Variants in DNAH9 observed in about 807,000 individuals in gnomAD.
The protein encoded by DNAH9 is DNAH9 variant protein.
A neutral mutation model predicts 471.6 loss-of-function variants in DNAH9; 345 were observed. That is an observed-to-expected ratio of 0.73 (90% CI 0.67 to 0.80). The LOEUF (loss-of-function observed/expected upper bound fraction) is 0.80. DNAH9 is among the 30% of genes least tolerant of loss of function. The pLI is 0.00. For synonymous variants in DNAH9, 2,093 were observed against 2,123.6 expected (o/e 0.99, Z 0.40); for missense variants, 5,407 against 5,609.2 (o/e 0.96, Z 1.15).
chr17:11,664,258 G>A (rs1000005952), intron 14 of DNAH9, among the ~76,000 whole-genome samples: 3 of 151,870 alleles, frequency 2.0e-5, no homozygotes, highest in Admixed American at 6.6e-5. Context: ...AAGAGAAGGC[G>A]GGGAGGAAGG....
At chr17:11,854,490 G>C in intron 50 of DNAH9, 62 bp downstream of exon 50, 1 of 1,517,454 alleles carries the variant, frequency 6.6e-7, no homozygotes, top group East Asian at 2.3e-5. Context: ...ACGCTCTTCA[G>C]ACACCATCTA....
intron 62 of DNAH9, chr17:11,925,101 C>G: frequency 2.3e-6 from 1 of 433,290 alleles, no homozygotes; most frequent in East Asian, 7.1e-5. Context: ...TCTATTAGAG[C>G]TCCATTGCTA....
intron 26 of DNAH9, among the ~76,000 whole-genome samples, chr17:11,714,029 A>G (rs2074917774): frequency 6.6e-6 from 1 of 152,236 alleles, no homozygotes; most frequent in Non-Finnish European, 1.5e-5. Flanking sequence ...GAAGAATCTC[A>G]TAACCAGTTG....
intron 67 of DNAH9, among the ~76,000 whole-genome samples, chr17:11,961,533 A>G (rs114578675): frequency 0.011 from 1,617 of 152,288 alleles, 31 homozygotes; most frequent in African/African-American, 0.037. Flanking sequence ...CTTTAGGCTA[A>G]GGTCATGTGG....
intron 1 of DNAH9, among the ~76,000 whole-genome samples, chr17:11,606,361 G>A (rs1466666897): frequency 6.6e-6 from 1 of 151,426 alleles, no homozygotes; most frequent in Non-Finnish European, 1.5e-5. Flanking sequence ...TGTCTTTCTG[G>A]TATTCTCCTT....
intron 41 of DNAH9, among the ~76,000 whole-genome samples, chr17:11,785,050 T>C (rs1256718807): frequency 6.6e-6 from 1 of 152,136 alleles, no homozygotes; most frequent in East Asian, 1.9e-4. Flanking sequence ...CCCAGGTTCA[T>C]TTCTAGACTA....
chr17:11,731,392 C>T (rs2075266305), intron 28 of DNAH9, among the ~76,000 whole-genome samples: 1 of 64,300 alleles, frequency 1.6e-5, no homozygotes, highest in African/African-American at 3.7e-5. Flanking sequence ...TCTCACAGGT[C>T]TTCTCTTTTT....
At position 11,739,049 on chromosome 17, in the gene DNAH9, T is replaced by C. The variant is rs181417738; in HGVS notation, c.5972+12T>C. On this transcript the variant is annotated intron_variant, in intron 29 of 68. Transcript: ENST00000262442. ...AAGTCTCTCTTCAGGTGAGTGTCAG[T>C]TCTGCCCCATGCAAAAGCCCCAAAA... The C allele has an allele frequency of 8.9e-6, 14 of 1,568,390 alleles. No individual in the cohort carries two copies. In the East Asian group the frequency reaches 3.2e-4, roughly 36 times the overall value.
chr17:11,637,530 C>T (rs1303964963), intron 9 of DNAH9, among the ~76,000 whole-genome samples: 6 of 151,902 alleles, frequency 3.9e-5, no homozygotes, highest in Admixed American at 6.6e-5. Flanking sequence ...TTCAGGAGTT[C>T]GAGGCTGCAG....
chr17:11,791,468 T>C (rs1173333560), intron 41 of DNAH9, among the ~76,000 whole-genome samples: 4 of 152,202 alleles, frequency 2.6e-5, no homozygotes, highest in East Asian at 3.9e-4. Flanking sequence ...TCCAGCACTT[T>C]AGGAGACCAA....
chr17:11,887,351 T>C (rs889599526), intron 57 of DNAH9, among the ~76,000 whole-genome samples: 1 of 152,218 alleles, frequency 6.6e-6, no homozygotes, highest in Admixed American at 6.5e-5. Flanking sequence ...CTTGTATTGA[T>C]TAAAGTCCAA....
At chr17:11,655,644 A>G (rs901893477) in intron 14 of DNAH9, among the ~76,000 whole-genome samples, 19 of 150,952 alleles carry the variant, frequency 1.3e-4, no homozygotes, top group African/African-American at 4.1e-4. Context: ...ATGTATATAC[A>G]TAGACACACA....
chr17:11,832,550 T>C (rs773389425), intron 48 of DNAH9, among the ~76,000 whole-genome samples: 13 of 152,258 alleles, frequency 8.5e-5, no homozygotes, highest in Non-Finnish European at 1.5e-4. Flanking sequence ...AGACAAGTTC[T>C]AGGGAGCAGG....
intron 45 of DNAH9, among the ~76,000 whole-genome samples, chr17:11,815,113 C>T (rs892686500): frequency 1.3e-5 from 2 of 151,930 alleles, no homozygotes; most frequent in African/African-American, 4.8e-5. Flanking sequence ...TTTGGTTCTC[C>T]AGCTGCAAAA....
Position 11,962,092 on chromosome 17 carries a change from A to T in DNAH9, c.13069A>T (p.Thr4357Ser), listed in dbSNP as rs1976245959. Residue 4357 changes from threonine (T) to serine (S), a missense_variant, in exon 68 of 69, where the codon ACT (threonine) becomes TCT (serine). By Grantham distance (58) the Thr-to-Ser change is moderately conservative (BLOSUM62 1). Around this residue, in one of 3 missense-constraint regions of DNAH9, gnomAD observed 4,636 missense variants for 4,900.3 expected, o/e 0.95. Coordinates refer to ENST00000262442, the MANE Select transcript of DNAH9 (RefSeq NM_001372.4). This position sits in a 1 kb window ranked among gnomAD's most constrained non-coding sequence, Gnocchi z 4.1. ...CTTCTTCAACCCCCAGTCGTTCCTGACTGCCATCATGCAGTCCACGGCTCG... is the reference window on the plus strand; with the variant it reads ...CTTCTTCAACCCCCAGTCGTTCCTGTCTGCCATCATGCAGTCCACGGCTCG... ...TGFFNPQSFL[T>S]AIMQSTARKN... 6.2e-7 allele frequency: 1 copy of T among 1,614,124 alleles called. No individual in the cohort carries two copies. The highest frequency in any genetic ancestry group is 2.2e-5 in the East Asian group (1 of 44,864).
chr17:11,964,099 T>G (rs888327000), intron 68 of DNAH9, among the ~76,000 whole-genome samples: 1 of 152,192 alleles, frequency 6.6e-6, no homozygotes, highest in Admixed American at 6.5e-5. Context: ...CATTTTATTA[T>G]GCCAGCCCTA....
intron 62 of DNAH9, among the ~76,000 whole-genome samples, chr17:11,926,950 C>T (rs1974351326): frequency 6.6e-6 from 1 of 152,214 alleles, no homozygotes; most frequent in South Asian, 2.1e-4. Flanking sequence ...AATCGGCATT[C>T]TGACTGGCGT....
intron 41 of DNAH9, among the ~76,000 whole-genome samples, chr17:11,791,581 CG>C (rs1246064724): frequency 6.6e-6 from 1 of 151,910 alleles, no homozygotes; most frequent in Non-Finnish European, 1.5e-5. Context: ...TGTGGTGGTG[CG>C]TGCCTATAAT....
At chr17:11,906,542 G>A (rs11651926) in intron 61 of DNAH9, among the ~76,000 whole-genome samples, 17,175 of 151,070 alleles carry the variant, frequency 0.11, 1,061 homozygotes, top group East Asian at 0.2. Context: ...CAGGAGAATC[G>A]CTGGAACCTG....
Sources: gnomAD v4.1 joint callset for allele counts (sites outside exome capture counted in the v4.1 genomes callset) on GRCh38, gnomAD v4.1.1 for gene constraint, gnomAD v4.1.1 regional missense constraint, Gnocchi (gnomAD v3.1) non-coding constraint, MANE v1.5 for transcripts, NCBI Gene and HGNC (gene_info 2026-07-23, HGNC 2026-07-21) for gene names.